BTBD7: variants seen among roughly 807,000 people sequenced by gnomAD.
The protein encoded by BTBD7 is BTB/POZ domain-containing protein 7.
A neutral mutation model predicts 99.9 loss-of-function variants in BTBD7; 38 were observed. The observed-to-expected ratio is 0.38, with a 90% confidence interval of 0.29 to 0.50. The LOEUF is 0.50. BTBD7 is among the 20% of genes least tolerant of loss of function. The pLI, the probability that BTBD7 is intolerant of heterozygous loss-of-function variation, is 0.93. For synonymous variants in BTBD7, 520 were observed against 511.4 expected, an observed-to-expected ratio of 1.02 and a Z score of -0.23; for missense variants, 1,170 against 1,394.6, an observed-to-expected ratio of 0.84 and a Z score of 2.57.
intron 3 of BTBD7, among the ~76,000 whole-genome samples, chr14:93,272,909 C>G (rs995072868): frequency 3.3e-5 from 5 of 152,162 alleles, no homozygotes; most frequent in African/African-American, 4.8e-5. Flanking sequence ...CAATGACACA[C>G]TCTTGTACTG....
chr14:93,296,589 T>C (rs1363475991), intron 1 of BTBD7, among the ~76,000 whole-genome samples: 1 of 152,218 alleles, frequency 6.6e-6, no homozygotes, highest in East Asian at 1.9e-4. Context: ...TAACACATAA[T>C]TGATTAGTTG....
At chr14:93,274,878 C>T (rs2052638428) in intron 3 of BTBD7, among the ~76,000 whole-genome samples, 2 of 152,138 alleles carry the variant, frequency 1.3e-5, no homozygotes, top group Non-Finnish European at 2.9e-5. Flanking sequence ...GCCCTGGATT[C>T]CAGGTTACCT....
chr14:93,314,573 T>C (rs2053177425), intron 1 of BTBD7, among the ~76,000 whole-genome samples: 1 of 152,182 alleles, frequency 6.6e-6, no homozygotes, highest in South Asian at 2.1e-4. Context: ...CAAATCCATA[T>C]TGAGGGTCAC....
intron 1 of BTBD7, among the ~76,000 whole-genome samples, chr14:93,303,488 C>T (rs1856433678): frequency 6.6e-6 from 1 of 151,954 alleles, no homozygotes; most frequent in Non-Finnish European, 1.5e-5. Context: ...TGGACTGCCA[C>T]TCGGAAAGCA....
At position 93,254,339 on chromosome 14, in the gene BTBD7, CATT is replaced by C. The variant is rs1233910658; in HGVS notation, c.1609-552_1609-550del. The stretch of plus-strand genomic sequence containing the variant: ...GAGGAATATTTTTAAAAACGAGACA[CATT>C]AATTAAAATGTAGTTAAGTTGGACT... On this transcript the variant is annotated intron_variant, in intron 6 of 10. Coordinates refer to ENST00000334746, the MANE Select transcript of BTBD7 (RefSeq NM_001002860.4). 2.0e-5 allele frequency among the ~76,000 whole-genome samples: 3 copies of C among 152,168 alleles called. No individual in the cohort carries two copies. In the East Asian group the frequency reaches 5.8e-4, roughly 29 times the overall value.
intron 1 of BTBD7, among the ~76,000 whole-genome samples, chr14:93,305,612 A>G (rs1335139029): frequency 1.3e-5 from 2 of 152,224 alleles, no homozygotes; most frequent in East Asian, 3.8e-4. Flanking sequence ...AAACACTGGG[A>G]GAGGATATTA....
chr14:93,270,447 C>T (rs2052589403), intron 3 of BTBD7, among the ~76,000 whole-genome samples: 1 of 151,924 alleles, frequency 6.6e-6, no homozygotes, highest in Non-Finnish European at 1.5e-5. Flanking sequence ...TAATCCCACA[C>T]TTTAAGAGGC....
At chr14:93,317,316 T>C (rs961174363) in intron 1 of BTBD7, among the ~76,000 whole-genome samples, 1 of 151,762 alleles carries the variant, frequency 6.6e-6, no homozygotes, top group Admixed American at 6.6e-5. Flanking sequence ...GAATATACTT[T>C]CAATCATATC....
chr14:93,297,110 T>C (rs983622356), intron 1 of BTBD7, among the ~76,000 whole-genome samples: 1 of 152,216 alleles, frequency 6.6e-6, no homozygotes, highest in Non-Finnish European at 1.5e-5. Context: ...CAGTAGGCAG[T>C]TAACCTAGCC....
At chr14:93,311,894 G>T (rs2053142854) in intron 1 of BTBD7, among the ~76,000 whole-genome samples, 1 of 150,492 alleles carries the variant, frequency 6.6e-6, no homozygotes, top group African/African-American at 2.4e-5. Context: ...GATTTATTTT[G>T]ATTTTTAGTC....
intron 1 of BTBD7, among the ~76,000 whole-genome samples, chr14:93,323,618 A>C (rs1323089577): frequency 6.6e-6 from 1 of 152,242 alleles, no homozygotes; most frequent in Non-Finnish European, 1.5e-5. Context: ...TTCACAATTG[A>C]ATCCCAGATG....
At chr14:93,315,073 C>G (rs1474921958) in intron 1 of BTBD7, among the ~76,000 whole-genome samples, 1 of 152,084 alleles carries the variant, frequency 6.6e-6, no homozygotes, top group Non-Finnish European at 1.5e-5. Flanking sequence ...TTTGTAACTT[C>G]TGGGTTTCCT....
In BTBD7 at chr14:93,293,860, T is replaced by C; in HGVS notation, c.1160A>G (p.Gln387Arg). The C allele has an allele frequency of 6.2e-7, 1 of 1,600,434 alleles. No homozygotes were observed. The highest frequency in any genetic ancestry group is 8.5e-7 in the Non-Finnish European group (1 of 1,175,588). The change falls in exon 3 of 11, where the codon CAA becomes CGA. Residue 387 changes from glutamine (Q) to arginine (R), a missense_variant and splice_region_variant. Coordinates refer to ENST00000334746, the MANE Select transcript of BTBD7 (RefSeq NM_001002860.4). ...AATTAAAAACCAGAACTTCATACCT[T>C]GTGCAAGCATGTTAAATTCCAAGAA... ...ALFLEFNMLA[Q>R]GCEDIIAESI...
chr14:93,281,708 GCA>G (rs773310463), intron 3 of BTBD7, among the ~76,000 whole-genome samples: 10 of 152,158 alleles, frequency 6.6e-5, no homozygotes, highest in Admixed American at 1.3e-4. Context: ...ACACAGATAT[GCA>G]CATATAAAGA....
intron 9 of BTBD7, among the ~76,000 whole-genome samples, chr14:93,247,835 A>G (rs1360811993): frequency 6.6e-6 from 1 of 152,246 alleles, no homozygotes; most frequent in Admixed American, 6.5e-5. Context: ...AATTACTAGA[A>G]ATGAGTTTTT....
intron 1 of BTBD7, chr14:93,332,385 C>G (rs1189227951): frequency 6.5e-6 from 1 of 152,898 alleles, no homozygotes; most frequent in Non-Finnish European, 1.5e-5. Context: ...CTCACGCCCA[C>G]CCCTGGCGGT....
chr14:93,240,606 A>G lies in BTBD7; in HGVS notation c.*1667T>C, dbSNP rs2139665341. On this transcript the variant is annotated 3_prime_UTR_variant, in exon 11 of 11. Coordinates refer to ENST00000334746, the MANE Select transcript of BTBD7 (RefSeq NM_001002860.4). The stretch of plus-strand genomic sequence containing the variant: ...ATATCCTGCAGAGGAAGGAATGCTT[A>G]GAAAGCCTCTTTTCTTCTAAGTGCT... 1 of 152,772 alleles carries G rather than the reference A, an allele frequency of 6.5e-6. No homozygotes were observed. Among genetic ancestry groups the G allele is most frequent in the South Asian group, 2.1e-4 (1 of 4,832 alleles). 9.5% of individuals were successfully genotyped at this position (152,772 alleles called of 1,614,324 possible).
rs568580863 is a variant in BTBD7 at position 93,257,234 on chromosome 14, T to C, written c.1569A>G (p.Glu523=). Residue 523 remains glutamate, a synonymous_variant, in exon 6 of 11, where the codon GAA becomes GAG. Transcript: ENST00000334746. ...LSSLLPFVRI[E]HILPINSEVL... ...CTTCACTGTTTATAGGTAAGATGTG[T>C]TCAATTCGCACAAAAGGTAAGAGAG... 14 of 1,614,138 alleles carry C rather than the reference T, an allele frequency of 8.7e-6. No homozygotes were observed. The highest frequency in any genetic ancestry group is 1.1e-5 in the Non-Finnish European group (13 of 1,179,986).
At chr14:93,281,031 C>T (rs1390720763) in intron 3 of BTBD7, among the ~76,000 whole-genome samples, 2 of 152,040 alleles carry the variant, frequency 1.3e-5, no homozygotes, top group African/African-American at 4.8e-5. Context: ...GAGACAGGGT[C>T]TTACTCTGTC....
Sources: gnomAD v4.1 joint callset for allele counts (sites outside exome capture counted in the v4.1 genomes callset) on GRCh38, gnomAD v4.1.1 for gene constraint, MANE v1.5 for transcripts, NCBI Gene and HGNC (gene_info 2026-07-23, HGNC 2026-07-21) for gene names.